The following PDE4D variants were observed in gnomAD, a reference collection of about 807,000 sequenced individuals.
PDE4D encodes the protein phosphodiesterase 4D.
A neutral mutation model predicts 87.4 loss-of-function variants in PDE4D; 24 were observed. That is an observed-to-expected ratio of 0.27 (90% CI 0.20 to 0.39). The LOEUF (loss-of-function observed/expected upper bound fraction) is 0.39. PDE4D is among the 10% of genes least tolerant of loss of function. PDE4D has a pLI of 1.00. For synonymous variants in PDE4D, 384 were observed against 383.2 expected, an observed-to-expected ratio of 1.00 and a Z score of -0.02; for missense variants, 714 against 1,041.0, an observed-to-expected ratio of 0.69 and a Z score of 4.32.
At chr5:60,401,033 G>T (rs1241113334) in intron 1 of PDE4D, among the ~76,000 whole-genome samples, 1 of 152,110 alleles carries the variant, frequency 6.6e-6, no homozygotes, top group Non-Finnish European at 1.5e-5. Context: ...TTGCAAACAG[G>T]GGTACTGTTT....
intron 1 of PDE4D, among the ~76,000 whole-genome samples, chr5:59,522,461 G>A (rs1350932762): frequency 6.6e-6 from 1 of 152,156 alleles, no homozygotes; most frequent in African/African-American, 2.4e-5. Context: ...AGCAAGGGAA[G>A]GTGAATTCCT....
chr5:60,231,494 T>C (rs1745808098), intron 1 of PDE4D, among the ~76,000 whole-genome samples: 1 of 151,972 alleles, frequency 6.6e-6, no homozygotes, highest in East Asian at 1.9e-4. Context: ...ATGATATTTT[T>C]CTAGCCTGGG....
intron 1 of PDE4D, among the ~76,000 whole-genome samples, chr5:59,759,317 T>C (rs984099225): frequency 6.6e-6 from 1 of 152,182 alleles, no homozygotes; most frequent in Non-Finnish European, 1.5e-5. Context: ...TATCAACATT[T>C]CTGCCAAGTT....
chr5:59,997,361 T>G (rs536547574), intron 2 of PDE4D, among the ~76,000 whole-genome samples: 1 of 152,284 alleles, frequency 6.6e-6, no homozygotes, highest in African/African-American at 2.4e-5. Context: ...AGTTTCTCAC[T>G]TGAGGAACCA....
intron 3 of PDE4D, among the ~76,000 whole-genome samples, chr5:59,955,803 C>T (rs528633847): frequency 1.4e-4 from 21 of 152,194 alleles, no homozygotes; most frequent in Admixed American, 1.4e-3. Context: ...GGTCTTCTTT[C>T]AATCAGATCT....
intron 1 of PDE4D, among the ~76,000 whole-genome samples, chr5:59,722,896 G>C (rs1467819592): frequency 1.3e-5 from 2 of 152,100 alleles, no homozygotes; most frequent in Non-Finnish European, 2.9e-5. Context: ...AAACGTGTTT[G>C]CCCTTTTTCT....
rs548349559 is a variant in PDE4D at position 59,675,998 on chromosome 5, T to C, written c.455+217170A>G. 2.0e-5 allele frequency among the ~76,000 whole-genome samples: 3 copies of C among 152,196 alleles called. No individual in the cohort carries two copies. The East Asian group carries it at 5.8e-4, about 29-fold the overall frequency. On this transcript the variant is annotated intron_variant, in intron 1 of 14. Coordinates refer to ENST00000340635, the MANE Select transcript of PDE4D (RefSeq NM_001104631.2). ...TGAGCCACCACACTCAACCAAAAAA[T>C]ATAGTGTTAAGAGATCACACTGTGA...
intron 5 of PDE4D, among the ~76,000 whole-genome samples, chr5:59,141,729 A>G (rs189038077): frequency 6.6e-6 from 1 of 152,188 alleles, no homozygotes; most frequent in Non-Finnish European, 1.5e-5. Context: ...GAAAGGGACG[A>G]TGTTGTGGAC....
chr5:59,462,266 A>G (rs558173086), intron 1 of PDE4D, among the ~76,000 whole-genome samples: 2 of 152,070 alleles, frequency 1.3e-5, no homozygotes, highest in South Asian at 4.2e-4. Flanking sequence ...TCATCCACCA[A>G]TTGTGTCACT....
intron 6 of PDE4D, among the ~76,000 whole-genome samples, chr5:59,033,501 G>A (rs1193358466): frequency 6.6e-6 from 1 of 152,154 alleles, no homozygotes; most frequent in African/African-American, 2.4e-5. Context: ...CTGAAAAAGA[G>A]AAAACCAAAC....
In PDE4D at chr5:59,067,365, T is replaced by C. The variant is rs527565006; in HGVS notation, c.809-28394A>G. Among the ~76,000 whole-genome samples, 42 of 152,200 alleles carry C rather than the reference T, an allele frequency of 2.8e-4. 1 individual carries two copies. In the South Asian group the frequency reaches 8.3e-3, roughly 30 times the overall value. On this transcript the variant is annotated intron_variant, in intron 5 of 14. Transcript: ENST00000340635. Reference sequence around the variant, plus strand: ...GAATGGACTAAGACAGAAGGAAAAATAGGCCTTTCTGTAGCGTGAGCTGAA... The same window carrying C: ...GAATGGACTAAGACAGAAGGAAAAACAGGCCTTTCTGTAGCGTGAGCTGAA...
chr5:60,221,256 A>G (rs891952635), intron 1 of PDE4D, among the ~76,000 whole-genome samples: 5 of 152,142 alleles, frequency 3.3e-5, no homozygotes, highest in African/African-American at 1.2e-4. Flanking sequence ...GCATGAAAAA[A>G]GACTGGGAAG....
chr5:60,115,759 A>T (rs1778117413), intron 2 of PDE4D, among the ~76,000 whole-genome samples: 1 of 152,154 alleles, frequency 6.6e-6, no homozygotes, highest in African/African-American at 2.4e-5. Flanking sequence ...TACTAGGTAG[A>T]CACAATTCCA....
intron 1 of PDE4D, among the ~76,000 whole-genome samples, chr5:59,373,237 G>A (rs1478547679): frequency 6.6e-6 from 1 of 152,174 alleles, no homozygotes; most frequent in African/African-American, 2.4e-5. Flanking sequence ...GATCATTGAA[G>A]TACAGGAGTA....
At position 59,678,503 on chromosome 5, in the gene PDE4D, T is replaced by C. The variant is rs150054040; in HGVS notation, c.455+214665A>G. On this transcript the variant is annotated intron_variant, in intron 1 of 14. Coordinates refer to ENST00000340635, the MANE Select transcript of PDE4D (RefSeq NM_001104631.2). ...GTTTTTGAGATGTAGTCTGGCTCTG[T>C]CACCCAGGCTGGAGTGCAGTGGCAC... 1.0e-3 allele frequency among the ~76,000 whole-genome samples: 154 copies of C among 152,260 alleles called. 2 individuals carry two copies. In the East Asian group the frequency reaches 0.029, roughly 28 times the overall value.
At chr5:59,763,540 A>T (rs1762434197) in intron 1 of PDE4D, among the ~76,000 whole-genome samples, 1 of 152,194 alleles carries the variant, frequency 6.6e-6, no homozygotes, top group Non-Finnish European at 1.5e-5. Context: ...GTTCTTCTAA[A>T]ACTTATTTAG....
intron 1 of PDE4D, among the ~76,000 whole-genome samples, chr5:59,579,276 A>C (rs1478010854): frequency 1.3e-5 from 2 of 152,140 alleles, no homozygotes; most frequent in Non-Finnish European, 2.9e-5. Flanking sequence ...GAGTATCTCC[A>C]AGGCAGGACT....
intron 1 of PDE4D, among the ~76,000 whole-genome samples, chr5:60,403,115 CAGAAT>C (rs1234662004): frequency 6.6e-6 from 1 of 152,170 alleles, no homozygotes; most frequent in Admixed American, 6.5e-5. Context: ...GTCTGGAGGC[CAGAAT>C]ATCCAGCTCC....
intron 5 of PDE4D, among the ~76,000 whole-genome samples, chr5:59,134,412 A>C (rs16889248): frequency 0.25 from 37,578 of 151,556 alleles, 5,038 homozygotes; most frequent in African/African-American, 0.33. Flanking sequence ...ACAGAGTCCA[A>C]TTTCAATTAT....
Sources: gnomAD v4.1 joint callset for allele counts (sites outside exome capture counted in the v4.1 genomes callset) on GRCh38, gnomAD v4.1.1 for gene constraint, MANE v1.5 for transcripts, NCBI Gene and HGNC (gene_info 2026-07-23, HGNC 2026-07-21) for gene names.